The following MAST4 variants were observed in gnomAD, a reference collection of about 807,000 sequenced individuals.
MAST4 encodes the protein microtubule associated serine/threonine kinase family member 4.
A neutral mutation model predicts 162.7 loss-of-function variants in MAST4; 89 were observed. The observed-to-expected ratio is 0.55, with a 90% confidence interval of 0.46 to 0.65. The LOEUF is 0.65. Among genes scored for constraint, MAST4 ranks in the 30% least tolerant of loss-of-function variants. The pLI, the probability that MAST4 is intolerant of heterozygous loss-of-function variation, is 0.00. For missense variants in MAST4, 3,153 were observed against 3,374.0 expected, an observed-to-expected ratio of 0.93 and a Z score of 1.62; for synonymous variants, 1,479 against 1,361.1, an observed-to-expected ratio of 1.09 and a Z score of -1.91.
intron 1 of MAST4, among the ~76,000 whole-genome samples, chr5:66,751,990 C>T (rs1261388024): frequency 1.3e-5 from 2 of 151,740 alleles, no homozygotes; most frequent in Non-Finnish European, 2.9e-5. Context: ...GGCCAATATT[C>T]AACATTCTTA....
chr5:66,809,005 T>C (rs1341690147), intron 3 of MAST4, among the ~76,000 whole-genome samples: 1 of 152,252 alleles, frequency 6.6e-6, no homozygotes, highest in East Asian at 1.9e-4. Context: ...CTGAGGGTAC[T>C]TAAAAAATGA....
At chr5:67,008,126 T>C (rs1752256138) in intron 4 of MAST4, among the ~76,000 whole-genome samples, 1 of 152,218 alleles carries the variant, frequency 6.6e-6, no homozygotes, top group Non-Finnish European at 1.5e-5. Flanking sequence ...TGTCCTCCTC[T>C]CCCTTCCCCT....
intron 4 of MAST4, chr5:66,930,935 G>A (rs1013658166): frequency 7.6e-6 from 2 of 263,352 alleles, no homozygotes; most frequent in Non-Finnish European, 1.6e-5. Context: ...AGCTGCGTAG[G>A]GTAAATAAAG....
At chr5:66,617,026 C>A (rs1579999366) in intron 1 of MAST4, among the ~76,000 whole-genome samples, 1 of 152,138 alleles carries the variant, frequency 6.6e-6, no homozygotes, top group Non-Finnish European at 1.5e-5. Flanking sequence ...ACATTCATAT[C>A]TGGACTGAAA....
chr5:66,682,994 G>A (rs1188149782), intron 1 of MAST4, among the ~76,000 whole-genome samples: 2 of 152,200 alleles, frequency 1.3e-5, no homozygotes, highest in Non-Finnish European at 2.9e-5. Context: ...TAAAGGGCAG[G>A]CGAAGGGGTG....
chr5:67,047,011 G>C (rs935525444), intron 4 of MAST4, among the ~76,000 whole-genome samples: 1 of 152,192 alleles, frequency 6.6e-6, no homozygotes, highest in African/African-American at 2.4e-5. Context: ...GATAGTATCA[G>C]CACTTGCTAT....
At chr5:67,102,760 A>G (rs963523145) in intron 9 of MAST4, 149 bp downstream of exon 9, 5 of 660,550 alleles carry the variant, frequency 7.6e-6, no homozygotes, top group Non-Finnish European at 1.3e-5. Context: ...GAAAGAGAAA[A>G]TAACTAAAAA....
intron 1 of MAST4, among the ~76,000 whole-genome samples, chr5:66,691,704 G>A (rs1749050898): frequency 6.6e-6 from 1 of 152,060 alleles, no homozygotes; most frequent in African/African-American, 2.4e-5. Flanking sequence ...CCCTGAGATA[G>A]CTTTTATAAG....
chr5:67,078,333 G>GA (rs35658852), intron 5 of MAST4, among the ~76,000 whole-genome samples: 28,760 of 133,454 alleles, frequency 0.22, 3,019 homozygotes, highest in Middle Eastern at 0.28. Flanking sequence ...GCCTTGATGT[G>GA]AAAAAAAAAA....
intron 4 of MAST4, among the ~76,000 whole-genome samples, chr5:66,923,373 C>T (rs536306599): frequency 4.6e-5 from 7 of 152,288 alleles, no homozygotes; most frequent in Admixed American, 3.3e-4. Flanking sequence ...CTCACTCTCC[C>T]ATCTTCAAGG....
chr5:66,625,816 A>T (rs1744387236), intron 1 of MAST4, among the ~76,000 whole-genome samples: 1 of 152,200 alleles, frequency 6.6e-6, no homozygotes, highest in Non-Finnish European at 1.5e-5. Flanking sequence ...TGAAATCAGG[A>T]TCATAAAGAG....
At chr5:66,917,375 TTA>T (rs1491477743) in intron 4 of MAST4, 4 of 195,494 alleles carry the variant, frequency 2.0e-5, no homozygotes, top group Non-Finnish European at 4.2e-5. Flanking sequence ...TTTGCAGTTT[TTA>T]TCTGTTTATG....
chr5:66,752,757 A>T (rs1308011894), intron 1 of MAST4, among the ~76,000 whole-genome samples: 1 of 148,678 alleles, frequency 6.7e-6, no homozygotes, highest in Non-Finnish European at 1.5e-5. Flanking sequence ...GTCAACAAGG[A>T]TACCCAGGAA....
intron 4 of MAST4, among the ~76,000 whole-genome samples, chr5:66,926,147 A>G (rs988125617): frequency 8.5e-5 from 13 of 152,190 alleles, no homozygotes; most frequent in Non-Finnish European, 1.8e-4. Context: ...ATAGATGACT[A>G]TGCAAATTAT....
chr5:66,774,677 A>G (rs935077073), intron 2 of MAST4, among the ~76,000 whole-genome samples: 1 of 152,204 alleles, frequency 6.6e-6, no homozygotes, highest in Non-Finnish European at 1.5e-5. Context: ...CCTCAAAGCA[A>G]AGCCTTGTGC....
intron 4 of MAST4, among the ~76,000 whole-genome samples, chr5:66,961,282 A>G (rs1016802354): frequency 1.3e-5 from 2 of 152,234 alleles, no homozygotes; most frequent in African/African-American, 4.8e-5. Context: ...TATAAATTTA[A>G]TTATCTGGGA....
chr5:66,937,104 C>CA (rs1371414610), intron 4 of MAST4, among the ~76,000 whole-genome samples: 2 of 152,148 alleles, frequency 1.3e-5, no homozygotes, highest in African/African-American at 4.8e-5. Context: ...GAGAGGTACT[C>CA]ATGTTATTTT....
chr5:66,852,226 C>T (rs961101455), intron 3 of MAST4, among the ~76,000 whole-genome samples: 2 of 152,274 alleles, frequency 1.3e-5, no homozygotes, highest in East Asian at 3.9e-4. Flanking sequence ...TGACTTACTG[C>T]AGCCTCAACC....
At chr5:67,114,043 A>G (rs1162692756) in intron 11 of MAST4, 44 bp from the exon 12 acceptor site, 2 of 1,610,192 alleles carry the variant, frequency 1.2e-6, no homozygotes, top group African/African-American at 1.3e-5. Flanking sequence ...ACCTCAGACA[A>G]TTTTGGCTCA....
Sources: gnomAD v4.1 joint callset for allele counts (sites outside exome capture counted in the v4.1 genomes callset) on GRCh38, gnomAD v4.1.1 for gene constraint, MANE v1.5 for transcripts, NCBI Gene and HGNC (gene_info 2026-07-23, HGNC 2026-07-21) for gene names.